The following MBD3L1 variants were observed in gnomAD, a reference collection of about 807,000 sequenced individuals.
MBD3L1 encodes the protein methyl-CpG-binding domain protein 3-like 1.
For missense variants in MBD3L1, 203 were observed against 230.1 expected (o/e 0.88, Z 0.76); for synonymous variants, 84 against 85.1 (o/e 0.99, Z 0.07).
chr19:8,833,755 G>A lies in MBD3L1; in HGVS notation c.-107+1233G>A, dbSNP rs1344932486. 9.9e-5 allele frequency among the ~76,000 whole-genome samples: 15 copies of A among 152,176 alleles called. No homozygotes were observed. The East Asian group carries it at 1.2e-3, about 12-fold the overall frequency. ...TGTAATCCCAACACTTTGGGAGGCC[G>A]AGGCAGGCAGATCACCTGAGGTCAG... On this transcript the variant is annotated intron_variant, in intron 1 of 2. Transcript: ENST00000595891.
chr19:8,837,147 T>C (rs2044464005), intron 1 of MBD3L1, among the ~76,000 whole-genome samples: 1 of 152,228 alleles, frequency 6.6e-6, no homozygotes, highest in South Asian at 2.1e-4. Flanking sequence ...GCAGCATTGA[T>C]AAGTACCAGT....
intron 1 of MBD3L1, among the ~76,000 whole-genome samples, chr19:8,837,069 T>C (rs1337237979): frequency 6.6e-6 from 1 of 152,218 alleles, no homozygotes; most frequent in Non-Finnish European, 1.5e-5. Context: ...GCCTCTCAAG[T>C]AATGCAAAAC....
At chr19:8,841,677 C>T (rs1342402734) in intron 2 of MBD3L1, among the ~76,000 whole-genome samples, 1 of 152,144 alleles carries the variant, frequency 6.6e-6, no homozygotes, top group Non-Finnish European at 1.5e-5. Flanking sequence ...CTGCCTCAGC[C>T]TCCCGAGTAG....
chr19:8,838,156 G>A (rs928722716), intron 1 of MBD3L1, among the ~76,000 whole-genome samples: 3 of 148,060 alleles, frequency 2.0e-5, no homozygotes, highest in South Asian at 2.1e-4. Context: ...GCTGAGGCAG[G>A]AGAATCGCTT....
At chr19:8,838,252 CAAAAAAA>C (rs542318207) in intron 1 of MBD3L1, among the ~76,000 whole-genome samples, 79 of 11,818 alleles carry the variant, frequency 6.7e-3, no homozygotes, top group African/African-American at 0.015. Context: ...GACTCCATCT[CAAAAAAA>C]AAAAAAAAAA....
chr19:8,839,363 G>A (rs1324653333), intron 1 of MBD3L1, among the ~76,000 whole-genome samples: 1 of 151,526 alleles, frequency 6.6e-6, no homozygotes. Context: ...TAATATTATG[G>A]CTAATATTTT....
At chr19:8,834,826 T>C (rs949885864) in intron 1 of MBD3L1, among the ~76,000 whole-genome samples, 3 of 152,112 alleles carry the variant, frequency 2.0e-5, no homozygotes, top group African/African-American at 7.2e-5. Context: ...CAATTGTTTC[T>C]TAGATATGAC....
intron 1 of MBD3L1, among the ~76,000 whole-genome samples, chr19:8,834,643 A>G (rs1430999873): frequency 1.3e-5 from 2 of 151,830 alleles, no homozygotes; most frequent in Non-Finnish European, 2.9e-5. Flanking sequence ...AAAAACAAAA[A>G]AAAAACCAAC....
At chr19:8,833,399 A>C (rs1402107342) in intron 1 of MBD3L1, 1 of 152,218 alleles carries the variant, frequency 6.6e-6, no homozygotes, top group East Asian at 1.9e-4. Flanking sequence ...ATATTCTCCC[A>C]CCACGGTCTT....
chr19:8,835,322 G>C (rs970716737), intron 1 of MBD3L1, among the ~76,000 whole-genome samples: 1 of 152,110 alleles, frequency 6.6e-6, no homozygotes, highest in Non-Finnish European at 1.5e-5. Context: ...TAAGTGCTGG[G>C]ATTACAGGTG....
Position 8,835,204 on chromosome 19 carries a change from A to G in MBD3L1, c.-107+2682A>G, listed in dbSNP as rs555628099. ...GTAGCTGGGACCACAGGCGTTCACC[A>G]CCACGCCTGGCTAATTTTTGTATTT... On this transcript the variant is annotated intron_variant, in intron 1 of 2. Coordinates refer to ENST00000595891, the MANE Select transcript of MBD3L1 (RefSeq NM_001393532.1). Among the ~76,000 whole-genome samples the G allele has an allele frequency of 3.5e-3, 538 of 152,188 alleles. 3 individuals are homozygous for G. The highest frequency in any genetic ancestry group is 5.3e-3 in the Non-Finnish European group (361 of 68,010).
At chr19:8,836,081 C>T (rs542037601) in intron 1 of MBD3L1, among the ~76,000 whole-genome samples, 54 of 152,132 alleles carry the variant, frequency 3.5e-4, no homozygotes, top group Non-Finnish European at 1.3e-4. Context: ...GTGACGATTG[C>T]GCAACTGTGT....
chr19:8,838,387 T>G (rs1310098442), intron 1 of MBD3L1, among the ~76,000 whole-genome samples: 1 of 149,876 alleles, frequency 6.7e-6, no homozygotes, highest in African/African-American at 2.5e-5. Flanking sequence ...AGATGTCCCA[T>G]GGAAACAAAC....
chr19:8,834,096 G>A (rs1292816923), intron 1 of MBD3L1, among the ~76,000 whole-genome samples: 1 of 152,182 alleles, frequency 6.6e-6, no homozygotes, highest in Non-Finnish European at 1.5e-5. Context: ...AAATCAGCCA[G>A]GAAGAAATAC....
At chr19:8,832,573 G>GGGGCGGGGCTGGTTGT (rs2044389474) in intron 1 of MBD3L1, 51 bp downstream of exon 1, 4 of 153,240 alleles carry the variant, frequency 2.6e-5, no homozygotes. Context: ...ACGAGGCCTG[G>GGGGCGGGGCTGGTTGT]GGGCGGGGCT....
At chr19:8,832,734 A>C (rs1339522693) in intron 1 of MBD3L1, among the ~76,000 whole-genome samples, 3 of 147,496 alleles carry the variant, frequency 2.0e-5, no homozygotes, top group African/African-American at 7.6e-5. Flanking sequence ...GGATGGTATA[A>C]GGCTTCTAGA....
At chr19:8,833,953 C>T (rs1179752799) in intron 1 of MBD3L1, among the ~76,000 whole-genome samples, 2 of 151,956 alleles carry the variant, frequency 1.3e-5, no homozygotes, top group Non-Finnish European at 2.9e-5. Context: ...GCAGCCGGTG[C>T]ACTCCAGCCC....
At chr19:8,839,646 G>A (rs1209074252) in intron 1 of MBD3L1, among the ~76,000 whole-genome samples, 1 of 152,148 alleles carries the variant, frequency 6.6e-6, no homozygotes, top group Non-Finnish European at 1.5e-5. Flanking sequence ...AGGGGTCATT[G>A]TGGCCTTAGC....
rs148191348 is a variant in MBD3L1 at position 8,840,375 on chromosome 19, C to T, written c.-106-540C>T. Among the ~76,000 whole-genome samples, 57 of 152,254 alleles carry T rather than the reference C, an allele frequency of 3.7e-4. 1 individual carries two copies. The East Asian group carries it at 0.01, about 27-fold the overall frequency. The stretch of plus-strand genomic sequence containing the variant: ...AGAGTACAGTGGCCTGATTGCCGCT[C>T]ACTGCAACCTCGACCTCCTGGGCTC... On this transcript the variant is annotated intron_variant, in intron 1 of 2. Coordinates refer to ENST00000595891, the MANE Select transcript of MBD3L1 (RefSeq NM_001393532.1).
Sources: gnomAD v4.1 joint callset for allele counts (sites outside exome capture counted in the v4.1 genomes callset) on GRCh38, gnomAD v4.1.1 for gene constraint, MANE v1.5 for transcripts, NCBI Gene and HGNC (gene_info 2026-07-23, HGNC 2026-07-21) for gene names.